Variants in RBFOX1 observed in about 807,000 individuals in gnomAD.
RBFOX1 encodes the protein RNA binding fox-1 homolog 1.
In RBFOX1, 8 loss-of-function variants were observed where a neutral mutation model predicts 57.7. That is an observed-to-expected ratio of 0.14 (90% CI 0.08 to 0.25). The LOEUF is 0.25. Ranked by LOEUF, RBFOX1 falls within the 10% of genes least tolerant of loss-of-function variation. The pLI is 1.00. For missense variants in RBFOX1, 611 were observed against 548.5 expected (o/e 1.11, Z -1.14); for synonymous variants, 326 against 222.4 (o/e 1.47, Z -4.15).
chr16:5,435,232 G>C (rs139544084), intron 1 of RBFOX1, among the ~76,000 whole-genome samples: 1 of 152,142 alleles, frequency 6.6e-6, no homozygotes, highest in African/African-American at 2.4e-5. Context: ...CTCCATATGC[G>C]TCTATGAAGA....
intron 4 of RBFOX1, among the ~76,000 whole-genome samples, chr16:7,430,410 C>G (rs569282712): frequency 3.9e-5 from 6 of 152,256 alleles, no homozygotes; most frequent in Admixed American, 2.6e-4. Flanking sequence ...GCCTGTAATC[C>G]CAGCACTTCG....
intron 2 of RBFOX1, among the ~76,000 whole-genome samples, chr16:6,511,350 G>C (rs906802310): frequency 5.3e-5 from 8 of 152,232 alleles, no homozygotes; most frequent in African/African-American, 1.9e-4. Context: ...CTTTTTCTTA[G>C]TGTCTATCAT....
chr16:6,565,260 TC>T lies in RBFOX1; in HGVS notation c.-63-89342del, dbSNP rs1175874474. On this transcript the variant is annotated intron_variant, in intron 2 of 15. Coordinates refer to ENST00000550418, the MANE Select transcript of RBFOX1 (RefSeq NM_018723.4). The stretch of plus-strand genomic sequence containing the variant: ...TGTGAAATGACTTTTTCTTTTCTTT[TC>T]TTTTTTTTTGTCTGAGACAGAGTCT... Among the ~76,000 whole-genome samples the T allele has an allele frequency of 1.0e-4, 9 of 88,098 alleles. No homozygotes were observed. In the East Asian group the frequency reaches 3.3e-3, roughly 33 times the overall value. The allele number at this position is 88,098 out of a possible 152,430, so 57.8% of individuals were successfully genotyped here. A position where few individuals can be genotyped will look rare whatever the true frequency, so the allele number is the denominator to read the frequency against.
intron 2 of RBFOX1, among the ~76,000 whole-genome samples, chr16:6,603,000 G>A (rs1158909725): frequency 6.6e-6 from 1 of 152,010 alleles, no homozygotes; most frequent in African/African-American, 2.4e-5. Flanking sequence ...TGCACCCAAG[G>A]AAAAAGAAGT....
At chr16:5,763,935 C>G (rs1213323021) in intron 3 of RBFOX1, among the ~76,000 whole-genome samples, 3 of 152,138 alleles carry the variant, frequency 2.0e-5, no homozygotes, top group Non-Finnish European at 2.9e-5. Context: ...TATATTATTT[C>G]TTATTTCTTT....
intron 11 of RBFOX1, among the ~76,000 whole-genome samples, chr16:7,631,191 A>C (rs941198883): frequency 3.3e-5 from 5 of 152,168 alleles, no homozygotes; most frequent in African/African-American, 1.2e-4. Flanking sequence ...GAGGAGGAGC[A>C]GAGAGAGAAA....
chr16:6,485,368 C>G (rs962599726), intron 2 of RBFOX1, among the ~76,000 whole-genome samples: 3 of 152,094 alleles, frequency 2.0e-5, no homozygotes, highest in African/African-American at 7.2e-5. Context: ...TCTTCTCTCT[C>G]TTGGTCTCCC....
intron 14 of RBFOX1, among the ~76,000 whole-genome samples, chr16:7,684,453 C>T (rs539206033): frequency 6.6e-6 from 1 of 151,806 alleles, no homozygotes; most frequent in African/African-American, 2.4e-5. Context: ...TGTGACTGTT[C>T]AAATAGATTA....
At chr16:6,185,048 C>G (rs1281838466) in intron 1 of RBFOX1, among the ~76,000 whole-genome samples, 1 of 152,152 alleles carries the variant, frequency 6.6e-6, no homozygotes, top group Admixed American at 6.5e-5. Context: ...GTCAAGGAGA[C>G]AGCTCTGTGC....
At chr16:6,864,381 T>C (rs2059549568) in intron 3 of RBFOX1, among the ~76,000 whole-genome samples, 1 of 152,166 alleles carries the variant, frequency 6.6e-6, no homozygotes, top group Non-Finnish European at 1.5e-5. Flanking sequence ...AAAGGAAGGC[T>C]ATTTGTTTTA....
intron 2 of RBFOX1, among the ~76,000 whole-genome samples, chr16:6,533,861 AAG>A (rs1329690820): frequency 2.0e-5 from 3 of 152,146 alleles, no homozygotes; most frequent in African/African-American, 7.2e-5. Flanking sequence ...CTAAACATAA[AAG>A]AGAAGTTTGA....
chr16:7,387,759 T>C (rs1429247519), intron 4 of RBFOX1, among the ~76,000 whole-genome samples: 1 of 152,118 alleles, frequency 6.6e-6, no homozygotes, highest in East Asian at 1.9e-4. Context: ...CACAATCCCA[T>C]GAACAGCAAA....
intron 1 of RBFOX1, 132 bp downstream of exon 1, chr16:6,020,124 C>T (rs1441839609): frequency 2.1e-5 from 23 of 1,103,778 alleles, no homozygotes; most frequent in East Asian, 1.8e-4. Flanking sequence ...GCGCTCTGGA[C>T]GGGAACTTTT....
At chr16:6,671,284 A>T (rs144429456) in intron 3 of RBFOX1, among the ~76,000 whole-genome samples, 10 of 152,302 alleles carry the variant, frequency 6.6e-5, no homozygotes, top group Non-Finnish European at 1.3e-4. Context: ...ATAGAGTATT[A>T]TGCGGCTATT....
In RBFOX1 at chr16:6,317,011, C is replaced by G; in HGVS notation, c.-110C>G. 4 of 1,535,518 alleles carry G rather than the reference C, an allele frequency of 2.6e-6. No individual in the cohort carries two copies. The highest frequency in any genetic ancestry group is 3.5e-6 in the Non-Finnish European group (4 of 1,146,508). On this transcript the variant is annotated 5_prime_UTR_variant, in exon 2 of 16. Coordinates refer to ENST00000550418, the MANE Select transcript of RBFOX1 (RefSeq NM_018723.4). ...CTTCTTTAGGAAACTGGTCAAAGAA[C>G]TCATGCAAGTGGAACTTACAGCTTC...
intron 3 of RBFOX1, among the ~76,000 whole-genome samples, chr16:5,766,314 C>T (rs556565942): frequency 7.5e-4 from 114 of 152,098 alleles, no homozygotes; most frequent in African/African-American, 2.7e-3. Context: ...GGGCTGGGCA[C>T]GGTGGCTCAC....
At chr16:5,354,079 A>AC (rs34260680) in intron 1 of RBFOX1, among the ~76,000 whole-genome samples, 127,854 of 151,994 alleles carry the variant, frequency 0.84, 57,052 homozygotes, top group East Asian at 1. Flanking sequence ...GCCAGTCTCC[A>AC]CCGGCCCCTT....
rs947652708 is a variant in RBFOX1, at chr16:7,713,223, C to G, written c.*2478C>G. The G allele has an allele frequency of 6.6e-6, 1 of 152,122 alleles. No homozygotes were observed. The highest frequency in any genetic ancestry group is 2.4e-5 in the African/African-American group (1 of 41,414). The allele number at this position is 152,122 out of a possible 1,614,324, so 9.4% of individuals were successfully genotyped here. A position where few individuals can be genotyped will look rare whatever the true frequency, so the allele number is the denominator to read the frequency against. ...ACACACACATCACGCAATCTGCAAA[C>G]CCAGAAAATGTGTATATCTGTCTTT... On this transcript the variant is annotated 3_prime_UTR_variant, in exon 16 of 16. Transcript: ENST00000550418.
intron 4 of RBFOX1, among the ~76,000 whole-genome samples, chr16:7,158,895 G>C (rs1290307404): frequency 3.3e-5 from 5 of 152,098 alleles, no homozygotes; most frequent in African/African-American, 1.2e-4. Context: ...TTGCACACGT[G>C]TGTGTAATTA....
Sources: gnomAD v4.1 joint callset for allele counts (sites outside exome capture counted in the v4.1 genomes callset) on GRCh38, gnomAD v4.1.1 for gene constraint, MANE v1.5 for transcripts, NCBI Gene and HGNC (gene_info 2026-07-23, HGNC 2026-07-21) for gene names.